UST: variants seen among roughly 807,000 people sequenced by gnomAD.
UST encodes uronyl 2-sulfotransferase.
Under a neutral mutation model 45.6 loss-of-function variants are expected in UST, and 21 were observed. The observed-to-expected ratio is 0.46, with a 90% CI of 0.33 to 0.66. The LOEUF is 0.66. Ranked by LOEUF, UST falls within the 30% of genes least tolerant of loss-of-function variation. The pLI, the probability that UST is intolerant of heterozygous loss-of-function variation, is 0.02. For synonymous variants in UST, 215 were observed against 200.6 expected (o/e 1.07, Z -0.61); for missense variants, 463 against 512.4 (o/e 0.90, Z 0.93).
chr6:148,896,116 T>C (rs1363308647), intron 2 of UST, among the ~76,000 whole-genome samples: 3 of 152,256 alleles, frequency 2.0e-5, no homozygotes, highest in Non-Finnish European at 4.4e-5. Flanking sequence ...TAAGCATTGG[T>C]GACCTTGGAG....
intron 2 of UST, among the ~76,000 whole-genome samples, chr6:148,894,352 G>T (rs986665238): frequency 6.6e-6 from 1 of 152,194 alleles, no homozygotes; most frequent in Non-Finnish European, 1.5e-5. Context: ...CTGGAGAAGG[G>T]TGGACCCTAA....
chr6:148,982,218 C>G (rs544244213), intron 5 of UST, among the ~76,000 whole-genome samples: 129 of 151,994 alleles, frequency 8.5e-4, no homozygotes, highest in Non-Finnish European at 1.6e-3. Flanking sequence ...CCTGCCTCAG[C>G]CCTCCAAGTA....
At chr6:148,809,092 A>G (rs1777204337) in intron 1 of UST, among the ~76,000 whole-genome samples, 1 of 152,282 alleles carries the variant, frequency 6.6e-6, no homozygotes, top group Non-Finnish European at 1.5e-5. Flanking sequence ...CCTGAAGTGC[A>G]GATGGGCTTG....
At chr6:148,749,972 T>G (rs1775958299) in intron 1 of UST, among the ~76,000 whole-genome samples, 1 of 152,222 alleles carries the variant, frequency 6.6e-6, no homozygotes, top group Non-Finnish European at 1.5e-5. Context: ...TTGGATGGTC[T>G]AAAATATACC....
intron 1 of UST, among the ~76,000 whole-genome samples, chr6:148,883,521 A>G (rs1445107144): frequency 6.6e-6 from 1 of 152,220 alleles, no homozygotes; most frequent in African/African-American, 2.4e-5. Flanking sequence ...TTGAATAGAA[A>G]TGACAGTAAC....
intron 7 of UST, among the ~76,000 whole-genome samples, chr6:149,072,386 G>T (rs1776832186): frequency 6.6e-6 from 1 of 152,180 alleles, no homozygotes; most frequent in African/African-American, 2.4e-5. Flanking sequence ...AGGCATGGTG[G>T]CTCACACCTG....
chr6:148,970,284 G>T (rs1214161173), intron 5 of UST, among the ~76,000 whole-genome samples: 2 of 152,140 alleles, frequency 1.3e-5, no homozygotes, highest in African/African-American at 4.8e-5. Context: ...GCTACCCCCT[G>T]CCACCTGTGC....
chr6:148,822,250 C>T (rs1412628681), intron 1 of UST, among the ~76,000 whole-genome samples: 1 of 152,198 alleles, frequency 6.6e-6, no homozygotes, highest in Non-Finnish European at 1.5e-5. Context: ...AAATCTTATG[C>T]TTACATTGGT....
chr6:148,838,521 A>ATGCTGT (rs201510264), intron 1 of UST, among the ~76,000 whole-genome samples: 222 of 152,210 alleles, frequency 1.5e-3, no homozygotes, highest in Non-Finnish European at 2.6e-3. Context: ...TCTTCCTGGG[A>ATGCTGT]TGCTGTTGCT....
chr6:148,969,957 C>T (rs749964062), intron 5 of UST, among the ~76,000 whole-genome samples: 2 of 152,328 alleles, frequency 1.3e-5, no homozygotes, highest in South Asian at 4.1e-4. Flanking sequence ...GTCATATACA[C>T]GCGCACTCTC....
Position 148,862,459 on chromosome 6 carries a change from A to C in UST, c.248-24527A>C, listed in dbSNP as rs1345093812. 7.9e-5 allele frequency among the ~76,000 whole-genome samples: 12 copies of C among 152,328 alleles called. No homozygotes were observed. The Middle Eastern group carries it at 0.01, about 130-fold the overall frequency. ...GTCTTGACTCTTTATCCAATTTGCC[A>C]GTCTGTGTCTTTTAATTGGAGCATT... On this transcript the variant is annotated intron_variant, in intron 1 of 7. Coordinates refer to ENST00000367463, the MANE Select transcript of UST (RefSeq NM_005715.3).
At chr6:148,916,506 A>G (rs903508732) in intron 2 of UST, among the ~76,000 whole-genome samples, 1 of 152,184 alleles carries the variant, frequency 6.6e-6, no homozygotes, top group African/African-American at 2.4e-5. Context: ...ATCGTTCTGG[A>G]TCCTGGGTGC....
At chr6:149,072,067 C>T (rs1052674511) in intron 7 of UST, among the ~76,000 whole-genome samples, 14 of 152,216 alleles carry the variant, frequency 9.2e-5, no homozygotes, top group African/African-American at 3.4e-4. Flanking sequence ...GGAGAGAATT[C>T]GAAGAAATTG....
rs1422338923 is a variant in UST at position 149,075,990 on chromosome 6, TG to T, written c.*1875del. Reference sequence around the variant, plus strand: ...GCACTGAAGCTACTTTATCATGAGATGTGTGTTAAGAAGGCTGCAGCCCACA... The same window carrying T: ...GCACTGAAGCTACTTTATCATGAGATTGTGTTAAGAAGGCTGCAGCCCACA... On this transcript the variant is annotated 3_prime_UTR_variant, in exon 8 of 8. Transcript: ENST00000367463. 1 of 152,632 alleles carries T rather than the reference TG, an allele frequency of 6.6e-6. No homozygotes were observed. Among genetic ancestry groups the T allele is most frequent in the Non-Finnish European group, 1.5e-5 (1 of 68,064 alleles). 9.5% of individuals were successfully genotyped at this position (152,632 alleles called of 1,614,324 possible). A position where few individuals can be genotyped will look rare whatever the true frequency, so the allele number is the denominator to read the frequency against.
In UST at chr6:149,074,133, C is replaced by G. The variant is rs1776857560; in HGVS notation, c.*17C>G. ...AAGAGGTGATGTGACTGTGTTGCCT[C>G]TATGGCTTTATCTCCCTTTTCCAGA... On this transcript the variant is annotated 3_prime_UTR_variant, in exon 8 of 8. Coordinates refer to ENST00000367463, the MANE Select transcript of UST (RefSeq NM_005715.3). 6.2e-7 allele frequency: 1 copy of G among 1,607,818 alleles called. No homozygotes were observed. The highest frequency in any genetic ancestry group is 8.5e-7 in the Non-Finnish European group (1 of 1,175,310).
At chr6:148,964,655 TCTC>T (rs1163958459) in intron 5 of UST, 92 bp downstream of exon 5, 2 of 1,522,512 alleles carry the variant, frequency 1.3e-6, no homozygotes, top group African/African-American at 1.4e-5. Context: ...TCCCAGGCCT[TCTC>T]CTTGGCGCCT....
intron 2 of UST, among the ~76,000 whole-genome samples, chr6:148,893,968 A>G (rs1779071063): frequency 6.6e-6 from 1 of 152,028 alleles, no homozygotes; most frequent in South Asian, 2.1e-4. Flanking sequence ...ACAGTGAGCT[A>G]TGATTGCACC....
chr6:148,895,517 A>G (rs1779110211), intron 2 of UST, among the ~76,000 whole-genome samples: 1 of 152,156 alleles, frequency 6.6e-6, no homozygotes, highest in African/African-American at 2.4e-5. Context: ...GGCTAACAAT[A>G]TGATACAGTT....
At chr6:148,894,037 A>G (rs1274222837) in intron 2 of UST, among the ~76,000 whole-genome samples, 1 of 152,088 alleles carries the variant, frequency 6.6e-6, no homozygotes, top group Non-Finnish European at 1.5e-5. Context: ...AAAGTCTAGG[A>G]TGGAAAGGAT....
Sources: gnomAD v4.1 joint callset for allele counts (sites outside exome capture counted in the v4.1 genomes callset) on GRCh38, gnomAD v4.1.1 for gene constraint, MANE v1.5 for transcripts, NCBI Gene and HGNC (gene_info 2026-07-23, HGNC 2026-07-21) for gene names.